Variants in ASIC2 observed in about 807,000 individuals in gnomAD.
ASIC2 encodes acid-sensing ion channel 2.
A neutral mutation model predicts 57.3 loss-of-function variants in ASIC2; 25 were observed. The observed-to-expected ratio is 0.44, with a 90% CI of 0.32 to 0.61. The LOEUF (loss-of-function observed/expected upper bound fraction) is 0.61. ASIC2 is among the 20% of genes least tolerant of loss of function. ASIC2 has a pLI of 0.06. For missense variants in ASIC2, 641 were observed against 738.1 expected (o/e 0.87, Z 1.52); for synonymous variants, 319 against 307.5 (o/e 1.04, Z -0.39).
intron 1 of ASIC2, among the ~76,000 whole-genome samples, chr17:33,202,035 AAG>A (rs1906887665): frequency 1.3e-5 from 2 of 149,116 alleles, no homozygotes; most frequent in Admixed American, 6.7e-5. Context: ...AAAAAAAAAA[AAG>A]AAAAAGAAAA....
At chr17:34,008,999 G>A (rs2142019925) in intron 1 of ASIC2, among the ~76,000 whole-genome samples, 1 of 152,190 alleles carries the variant, frequency 6.6e-6, no homozygotes, top group East Asian at 1.9e-4. Context: ...CCTAAATGAG[G>A]TTATAGAAAC....
chr17:33,194,489 T>C (rs1284776857), intron 1 of ASIC2, among the ~76,000 whole-genome samples: 5 of 152,164 alleles, frequency 3.3e-5, no homozygotes, highest in African/African-American at 1.2e-4. Context: ...GGAGGAAAAA[T>C]ACAGCACCTG....
At chr17:33,694,343 C>T (rs114853867) in intron 1 of ASIC2, among the ~76,000 whole-genome samples, 171 of 152,308 alleles carry the variant, frequency 1.1e-3, no homozygotes, top group African/African-American at 4.1e-3. Context: ...TACCCTGGGA[C>T]GGGAGCACCG....
intron 1 of ASIC2, among the ~76,000 whole-genome samples, chr17:33,594,214 A>C (rs1904912134): frequency 6.6e-6 from 1 of 152,232 alleles, no homozygotes; most frequent in African/African-American, 2.4e-5. Flanking sequence ...GACGTAGGCC[A>C]TCTATCAGAT....
At chr17:33,491,752 C>A (rs1913767103) in intron 1 of ASIC2, among the ~76,000 whole-genome samples, 1 of 152,176 alleles carries the variant, frequency 6.6e-6, no homozygotes, top group African/African-American at 2.4e-5. Context: ...AAACTAGAGG[C>A]TAGAGGGTCT....
At chr17:33,843,379 A>T (rs142392659) in intron 1 of ASIC2, among the ~76,000 whole-genome samples, 3 of 152,330 alleles carry the variant, frequency 2.0e-5, no homozygotes, top group African/African-American at 7.2e-5. Context: ...TCTTGAATAA[A>T]ATTTCTCATG....
At chr17:33,879,371 T>G (rs1914639368) in intron 1 of ASIC2, among the ~76,000 whole-genome samples, 1 of 152,326 alleles carries the variant, frequency 6.6e-6, no homozygotes, top group African/African-American at 2.4e-5. Context: ...CCATTTCACG[T>G]GCAGAGACAC....
chr17:33,843,318 G>T (rs529880724), intron 1 of ASIC2, among the ~76,000 whole-genome samples: 2 of 152,146 alleles, frequency 1.3e-5, no homozygotes, highest in East Asian at 3.9e-4. Context: ...CTCCATCACC[G>T]TTTGAAAGGT....
intron 1 of ASIC2, among the ~76,000 whole-genome samples, chr17:33,861,338 A>T (rs917105614): frequency 3.9e-5 from 6 of 152,224 alleles, no homozygotes; most frequent in Non-Finnish European, 8.8e-5. Flanking sequence ...TATCACAGCT[A>T]TGGAATAATG....
chr17:33,658,534 G>A (rs1395737182), intron 1 of ASIC2, among the ~76,000 whole-genome samples: 3 of 152,182 alleles, frequency 2.0e-5, no homozygotes, highest in Non-Finnish European at 4.4e-5. Flanking sequence ...AGTTCTACAG[G>A]CTGGAAAGTC....
intron 1 of ASIC2, among the ~76,000 whole-genome samples, chr17:33,738,276 C>T (rs879354088): frequency 1.3e-5 from 2 of 152,184 alleles, no homozygotes; most frequent in East Asian, 1.9e-4. Context: ...GAGCTCACCA[C>T]CCCATTAGAA....
At chr17:33,981,989 T>G (rs1245469101) in intron 1 of ASIC2, among the ~76,000 whole-genome samples, 1 of 152,152 alleles carries the variant, frequency 6.6e-6, no homozygotes, top group African/African-American at 2.4e-5. Context: ...TTGAGGAGCC[T>G]CAAGAAGCAG....
intron 1 of ASIC2, among the ~76,000 whole-genome samples, chr17:34,028,715 T>C (rs1466807182): frequency 6.6e-6 from 1 of 152,242 alleles, no homozygotes; most frequent in Admixed American, 6.5e-5. Context: ...TTCCTGGAGA[T>C]GAGCACAGAT....
intron 1 of ASIC2, among the ~76,000 whole-genome samples, chr17:33,242,048 G>A (rs35213601): frequency 5.3e-5 from 8 of 152,238 alleles, no homozygotes; most frequent in African/African-American, 1.7e-4. Context: ...GCCAGGTGCA[G>A]TGGCTCACGC....
At chr17:33,144,182 C>A (rs1443766926) in intron 1 of ASIC2, among the ~76,000 whole-genome samples, 2 of 151,376 alleles carry the variant, frequency 1.3e-5, no homozygotes, top group Admixed American at 6.6e-5. Context: ...AAAACAAAAA[C>A]AAAAACAAAA....
At chr17:33,884,721 C>T (rs977240696) in intron 1 of ASIC2, among the ~76,000 whole-genome samples, 2 of 152,002 alleles carry the variant, frequency 1.3e-5, no homozygotes, top group African/African-American at 2.4e-5. Context: ...CCACCCCATC[C>T]CCACACCCCC....
At chr17:33,181,941 T>C (rs1382972247) in intron 1 of ASIC2, among the ~76,000 whole-genome samples, 1 of 152,168 alleles carries the variant, frequency 6.6e-6, no homozygotes, top group African/African-American at 2.4e-5. Flanking sequence ...AAGGTAATAG[T>C]GGCCAGGGCC....
At chr17:33,721,409 G>A (rs1909383908) in intron 1 of ASIC2, among the ~76,000 whole-genome samples, 1 of 152,156 alleles carries the variant, frequency 6.6e-6, no homozygotes, top group Admixed American at 6.5e-5. Flanking sequence ...TGTGACTTCT[G>A]AGTGAGATAA....
intron 1 of ASIC2, among the ~76,000 whole-genome samples, chr17:34,112,042 T>C (rs529345129): frequency 4.9e-4 from 74 of 152,200 alleles, no homozygotes; most frequent in Non-Finnish European, 8.8e-4. Flanking sequence ...AGACTTTTTT[T>C]TAAGGTATTA....
Sources: gnomAD v4.1 joint callset for allele counts (sites outside exome capture counted in the v4.1 genomes callset) on GRCh38, gnomAD v4.1.1 for gene constraint, MANE v1.5 for transcripts, NCBI Gene and HGNC (gene_info 2026-07-23, HGNC 2026-07-21) for gene names.